The following TMEM232 variants were observed in gnomAD, a reference collection of about 807,000 sequenced individuals.
The protein encoded by TMEM232 is transmembrane protein 232.
TMEM232 carries 80 observed loss-of-function variants against 78.8 expected under a neutral mutation model. That is an observed-to-expected ratio of 1.01 (90% confidence interval 0.85 to 1.22). The LOEUF is 1.22. Ranked by LOEUF, TMEM232 falls within the 50% of genes most tolerant of loss-of-function variation. The probability of loss-of-function intolerance (pLI) is 0.00; values close to 1 mark genes in which losing one functional copy is unlikely to be tolerated. For missense variants in TMEM232, 881 were observed against 742.2 expected (o/e 1.19, Z -2.17); for synonymous variants, 297 against 254.3 (o/e 1.17, Z -1.60).
intron 7 of TMEM232, among the ~76,000 whole-genome samples, chr5:110,621,423 A>G (rs1375217907): frequency 2.0e-5 from 3 of 152,144 alleles, no homozygotes; most frequent in Non-Finnish European, 4.4e-5. Context: ...AATGAAAAAT[A>G]CGTATTTAGA....
chr5:110,421,168 C>T (rs1292154821), intron 13 of TMEM232, among the ~76,000 whole-genome samples: 1 of 151,770 alleles, frequency 6.6e-6, no homozygotes, highest in East Asian at 1.9e-4. Context: ...AACTCTAATA[C>T]TATTCTCTAT....
intron 12 of TMEM232, among the ~76,000 whole-genome samples, chr5:110,485,006 T>C (rs1226516835): frequency 6.6e-6 from 1 of 152,016 alleles, no homozygotes; most frequent in African/African-American, 2.4e-5. Context: ...ATGGATGCAG[T>C]GATCAGGAAA....
At chr5:110,557,563 G>A (rs1172327871) in intron 11 of TMEM232, among the ~76,000 whole-genome samples, 1 of 152,194 alleles carries the variant, frequency 6.6e-6, no homozygotes, top group African/African-American at 2.4e-5. Flanking sequence ...AGCAGCTTCT[G>A]CTTAGACTCT....
intron 12 of TMEM232, among the ~76,000 whole-genome samples, chr5:110,455,114 T>C (rs553491051): frequency 2.0e-5 from 3 of 152,236 alleles, no homozygotes; most frequent in Non-Finnish European, 4.4e-5. Flanking sequence ...AAGAAATGGA[T>C]AGCATGATTA....
intron 1 of TMEM232, among the ~76,000 whole-genome samples, chr5:110,686,638 G>C (rs1249164815): frequency 2.0e-5 from 3 of 152,024 alleles, no homozygotes; most frequent in African/African-American, 7.3e-5. Flanking sequence ...ATGAACACTT[G>C]TACATTTCAC....
chr5:110,519,945 G>C (rs866761424), intron 12 of TMEM232, among the ~76,000 whole-genome samples: 2 of 151,036 alleles, frequency 1.3e-5, no homozygotes, highest in Middle Eastern at 3.6e-3. Context: ...ATGGAGAATA[G>C]AATGATGGCT....
chr5:110,647,840 G>T (rs890411628), intron 2 of TMEM232, among the ~76,000 whole-genome samples: 4 of 151,884 alleles, frequency 2.6e-5, no homozygotes, highest in African/African-American at 9.7e-5. Context: ...TTCAACAGGT[G>T]CATACTATTC....
At chr5:110,578,985 A>G (rs1777869400) in intron 10 of TMEM232, among the ~76,000 whole-genome samples, 1 of 151,842 alleles carries the variant, frequency 6.6e-6, no homozygotes, top group South Asian at 2.1e-4. Context: ...AAAAATGTAC[A>G]TCCAGATCCA....
chr5:110,491,735 A>G (rs1003785542), intron 12 of TMEM232, among the ~76,000 whole-genome samples: 1 of 151,988 alleles, frequency 6.6e-6, no homozygotes, highest in Non-Finnish European at 1.5e-5. Flanking sequence ...TAAATAAACT[A>G]AAAAACAAGG....
At chr5:110,738,811 T>C (rs1464160338), upstream of TMEM232, 7 of 512,480 alleles carry the variant, frequency 1.4e-5, no homozygotes, top group African/African-American at 2.0e-5. Context: ...ACCAGTTCTC[T>C]TTCTGGAATC....
chr5:110,430,265 C>A (rs374686093), intron 12 of TMEM232, among the ~76,000 whole-genome samples: 1 of 151,388 alleles, frequency 6.6e-6, no homozygotes, highest in Non-Finnish European at 1.5e-5. Context: ...AGTTTTCTCT[C>A]GTTTAATTAG....
intron 1 of TMEM232, among the ~76,000 whole-genome samples, chr5:110,708,549 T>G (rs78455858): frequency 7.2e-5 from 11 of 151,844 alleles, no homozygotes; most frequent in African/African-American, 2.7e-4. Context: ...ACATAGACAG[T>G]ATAGTAAGAC....
intron 12 of TMEM232, among the ~76,000 whole-genome samples, chr5:110,451,313 A>T (rs967127414): frequency 3.9e-5 from 6 of 152,186 alleles, no homozygotes; most frequent in African/African-American, 1.4e-4. Flanking sequence ...CAGAACCTAG[A>T]ATATATGCCT....
intron 7 of TMEM232, among the ~76,000 whole-genome samples, chr5:110,620,637 C>T (rs1445828077): frequency 8.3e-6 from 1 of 119,784 alleles, no homozygotes; most frequent in Non-Finnish European, 1.7e-5. Context: ...CTCTCTCTCT[C>T]TCCTCTCTCC....
intron 12 of TMEM232, among the ~76,000 whole-genome samples, chr5:110,444,706 G>T (rs1376048745): frequency 2.0e-5 from 3 of 152,120 alleles, no homozygotes; most frequent in Non-Finnish European, 4.4e-5. Flanking sequence ...AATACAAAGT[G>T]CCTTATAGTT....
At chr5:110,517,276 G>A (rs565167284) in intron 12 of TMEM232, among the ~76,000 whole-genome samples, 101 of 152,256 alleles carry the variant, frequency 6.6e-4, no homozygotes, top group African/African-American at 2.4e-3. Context: ...GAAGCTGGAG[G>A]AGAAGAACTA....
chr5:110,446,465 C>T (rs1339615715), intron 12 of TMEM232, among the ~76,000 whole-genome samples: 1 of 152,094 alleles, frequency 6.6e-6, no homozygotes, highest in Non-Finnish European at 1.5e-5. Context: ...GGAAGAGTTG[C>T]CTTACCAGAG....
At chr5:110,492,305 A>G (rs997705942) in intron 12 of TMEM232, among the ~76,000 whole-genome samples, 24 of 152,004 alleles carry the variant, frequency 1.6e-4, no homozygotes, top group Non-Finnish European at 2.9e-4. Context: ...ACATAAATGC[A>G]AAATGTAACA....
At chr5:110,434,960 C>T (rs1418574236) in intron 12 of TMEM232, among the ~76,000 whole-genome samples, 4 of 151,898 alleles carry the variant, frequency 2.6e-5, no homozygotes, top group African/African-American at 9.7e-5. Flanking sequence ...TCCCTCAAAA[C>T]CCCCAGCCAA....
Sources: gnomAD v4.1 joint callset for allele counts (sites outside exome capture counted in the v4.1 genomes callset) on GRCh38, gnomAD v4.1.1 for gene constraint, MANE v1.5 for transcripts, NCBI Gene and HGNC (gene_info 2026-07-23, HGNC 2026-07-21) for gene names.